INPP4B: variants seen among roughly 807,000 people sequenced by gnomAD.
INPP4B encodes inositol polyphosphate 4-phosphatase type II.
In INPP4B, 55 loss-of-function variants were observed where a neutral mutation model predicts 122.5. That is an observed-to-expected ratio of 0.45 (90% CI 0.36 to 0.56). The LOEUF (loss-of-function observed/expected upper bound fraction) is 0.56, where lower values mean the gene tolerates loss of function less well. Among genes scored for constraint, INPP4B ranks in the 20% least tolerant of loss-of-function variants. The pLI, the probability that INPP4B is intolerant of heterozygous loss-of-function variation, is 0.00. For synonymous variants in INPP4B, 403 were observed against 388.7 expected, an observed-to-expected ratio of 1.04 and a Z score of -0.43; for missense variants, 1,000 against 1,097.7, an observed-to-expected ratio of 0.91 and a Z score of 1.26.
chr4:142,166,460 C>T (rs1224783527), intron 16 of INPP4B, among the ~76,000 whole-genome samples: 3 of 151,634 alleles, frequency 2.0e-5, no homozygotes, highest in East Asian at 1.9e-4. Flanking sequence ...TAAGCAATAC[C>T]ATTCAGGACA....
chr4:142,193,182 A>T lies in INPP4B; in HGVS notation c.1086T>A (p.Asp362Glu), dbSNP rs367906480. The change falls in exon 15 of 26, where the codon GAT becomes GAA. Residue 362 changes from aspartate (D) to glutamate (E), a missense_variant. Coordinates refer to ENST00000262992, the MANE Select transcript of INPP4B (RefSeq NM_001101669.3). ...CAGCTGGGGCTCCCACAGTGATGACATCGTAGAGAGCATCTGGAGTAGAAA... is the reference window on the plus strand; with the variant it reads ...CAGCTGGGGCTCCCACAGTGATGACTTCGTAGAGAGCATCTGGAGTAGAAA... ...HSPHLKDALYDVITVGAPAAH... is the reference protein window; with the variant it reads ...HSPHLKDALYEVITVGAPAAH... 1 of 1,607,438 alleles carries T rather than the reference A, an allele frequency of 6.2e-7. No homozygotes were observed. Among genetic ancestry groups the T allele is most frequent in the South Asian group, 1.1e-5 (1 of 90,836 alleles).
chr4:142,415,246 G>A (rs1805440610), intron 5 of INPP4B, among the ~76,000 whole-genome samples: 1 of 152,098 alleles, frequency 6.6e-6, no homozygotes, highest in African/African-American at 2.4e-5. Flanking sequence ...ACCAAAAGAT[G>A]AGGCCAGTGT....
At chr4:142,719,412 C>T (rs757829058) in intron 2 of INPP4B, among the ~76,000 whole-genome samples, 2 of 151,962 alleles carry the variant, frequency 1.3e-5, no homozygotes, top group African/African-American at 4.8e-5. Context: ...CTGCCTCAAC[C>T]TCTCGGGGGT....
intron 11 of INPP4B, among the ~76,000 whole-genome samples, chr4:142,253,781 G>A (rs998999747): frequency 6.6e-6 from 1 of 152,302 alleles, no homozygotes; most frequent in Admixed American, 6.5e-5. Flanking sequence ...CTGGGGGAGG[G>A]GCACCCACCA....
chr4:142,406,681 T>G (rs1803452199), intron 5 of INPP4B, among the ~76,000 whole-genome samples: 1 of 152,198 alleles, frequency 6.6e-6, no homozygotes, highest in Non-Finnish European at 1.5e-5. Context: ...TTTTTTTTCC[T>G]TATATAAACC....
chr4:142,739,429 G>A (rs555763647), intron 1 of INPP4B, among the ~76,000 whole-genome samples: 1 of 151,938 alleles, frequency 6.6e-6, no homozygotes, highest in East Asian at 1.9e-4. Flanking sequence ...CTATAGAATG[G>A]GCATTAGATG....
chr4:142,208,528 C>A lies in INPP4B; in HGVS notation c.969G>T (p.Gly323=), dbSNP rs1307165203. The part of the protein sequence containing the change: ...DILTELSKET[G]SSFKSSSSKG... ...TGCTGCTGCTTGATTTGAAAGAGGA[C>A]CCTGATGGAAACCAGAAATTAAACA... The change falls in exon 14 of 26, where the codon GGG becomes GGT. Residue 323 remains glycine (G), a splice_region_variant and synonymous_variant. Coordinates refer to ENST00000262992, the MANE Select transcript of INPP4B (RefSeq NM_001101669.3). 2.6e-6 allele frequency: 4 copies of A among 1,539,404 alleles called. No homozygotes were observed. The highest frequency in any genetic ancestry group is 8.9e-7 in the Non-Finnish European group (1 of 1,129,256).
chr4:142,068,656 A>C (rs1765113321), intron 25 of INPP4B, among the ~76,000 whole-genome samples: 1 of 152,294 alleles, frequency 6.6e-6, no homozygotes, highest in Non-Finnish European at 1.5e-5. Context: ...GCAAATGGAA[A>C]ACAAAAAAAA....
intron 2 of INPP4B, among the ~76,000 whole-genome samples, chr4:142,723,803 G>A (rs937483435): frequency 2.5e-4 from 38 of 152,010 alleles, no homozygotes; most frequent in African/African-American, 8.7e-4. Flanking sequence ...TTCCATCTGA[G>A]ATAATAGGCA....
chr4:142,152,074 T>G (rs1382581952), intron 17 of INPP4B, among the ~76,000 whole-genome samples: 30 of 115,110 alleles, frequency 2.6e-4, no homozygotes, highest in African/African-American at 1.4e-3. Context: ...TTCTTTTTTT[T>G]TTTTTTTTTT....
chr4:142,294,856 A>AAAAAAAAAAAAAAAAAAAAAG (rs1561775056), intron 9 of INPP4B, among the ~76,000 whole-genome samples: 5 of 143,806 alleles, frequency 3.5e-5, no homozygotes, highest in Non-Finnish European at 7.6e-5. Context: ...AAAAAAAAAA[A>AAAAAAAAAAAAAAAAAAAAAG]GGCAGACTTA....
intron 2 of INPP4B, among the ~76,000 whole-genome samples, chr4:142,715,390 A>G (rs959367348): frequency 6.6e-6 from 1 of 152,222 alleles, no homozygotes; most frequent in Non-Finnish European, 1.5e-5. Flanking sequence ...AAATAATCAC[A>G]TGTGCCTAGT....
chr4:142,514,785 A>G (rs1247262868), intron 2 of INPP4B, among the ~76,000 whole-genome samples: 15 of 145,408 alleles, frequency 1.0e-4, no homozygotes. Context: ...TGCACACACC[A>G]TGATTTCTTT....
chr4:142,573,194 C>T (rs7695196), intron 2 of INPP4B, among the ~76,000 whole-genome samples: 3 of 151,956 alleles, frequency 2.0e-5, no homozygotes, highest in Admixed American at 6.6e-5. Context: ...AACCAGATCT[C>T]GCTATCACAA....
intron 7 of INPP4B, among the ~76,000 whole-genome samples, chr4:142,380,835 A>G (rs778544463): frequency 3.3e-5 from 5 of 152,032 alleles, no homozygotes; most frequent in Non-Finnish European, 7.4e-5. Flanking sequence ...GTTTTTTTAA[A>G]GTGGAATTAT....
At chr4:142,454,100 A>G (rs965291003) in intron 3 of INPP4B, among the ~76,000 whole-genome samples, 1 of 152,102 alleles carries the variant, frequency 6.6e-6, no homozygotes, top group African/African-American at 2.4e-5. Flanking sequence ...ACTGAAAAAA[A>G]CAACATGTGT....
At chr4:142,555,508 T>C (rs1024423372) in intron 2 of INPP4B, among the ~76,000 whole-genome samples, 2 of 152,128 alleles carry the variant, frequency 1.3e-5, no homozygotes, top group African/African-American at 4.8e-5. Flanking sequence ...TATTTTACAG[T>C]TGATTTATAC....
rs778460534 is a variant in INPP4B, at chr4:142,238,017, A to G, written c.689-6T>C. On this transcript the variant is annotated splice_region_variant and splice_polypyrimidine_tract_variant and intron_variant, in intron 11 of 25. Coordinates refer to ENST00000262992, the MANE Select transcript of INPP4B (RefSeq NM_001101669.3). ...ACATACTGGGTTCTTTAACACTGGA[A>G]AAAAAAAGAAAAAATAATAGTTAAA... 1 of 1,388,132 alleles carries G rather than the reference A, an allele frequency of 7.2e-7. No individual in the cohort carries two copies. Among genetic ancestry groups the G allele is most frequent in the South Asian group, 1.4e-5 (1 of 73,200 alleles). 86.0% of individuals were successfully genotyped at this position (1,388,132 alleles called of 1,614,324 possible).
At chr4:142,806,764 G>GAAAGAAAGA (rs1554013533) in intron 1 of INPP4B, among the ~76,000 whole-genome samples, 3 of 39,072 alleles carry the variant, frequency 7.7e-5, no homozygotes, top group African/African-American at 1.6e-4. Flanking sequence ...GAAGAAGAAA[G>GAAAGAAAGA]AAGAAAGAAA....
Sources: gnomAD v4.1 joint callset for allele counts (sites outside exome capture counted in the v4.1 genomes callset) on GRCh38, gnomAD v4.1.1 for gene constraint, MANE v1.5 for transcripts, NCBI Gene and HGNC (gene_info 2026-07-23, HGNC 2026-07-21) for gene names.